Variants in CSNK2A2IP observed in about 807,000 individuals in gnomAD.
CSNK2A2IP encodes the protein casein kinase 2 subunit alpha' interacting protein.
the CSNK2A2IP span, among the ~76,000 whole-genome samples, chr3:88,415,003 C>T: frequency 5.3e-5 from 8 of 151,406 alleles, no homozygotes; most frequent in South Asian, 2.1e-4. Context: ...TTTAGTATGA[C>T]AGTAATGTAA....
the CSNK2A2IP span, among the ~76,000 whole-genome samples, chr3:88,427,627 G>A: frequency 6.6e-6 from 1 of 152,128 alleles, no homozygotes; most frequent in African/African-American, 2.4e-5. Flanking sequence ...TGGCCAAAAG[G>A]GGCCAATGTA....
At chr3:88,339,040 C>A in the CSNK2A2IP span, among the ~76,000 whole-genome samples, 1 of 151,856 alleles carries the variant, frequency 6.6e-6, no homozygotes, top group Non-Finnish European at 1.5e-5. Context: ...TTGTCTCAAA[C>A]CATTATTATT....
the CSNK2A2IP span, among the ~76,000 whole-genome samples, chr3:88,374,172 C>T: frequency 6.6e-6 from 1 of 151,600 alleles, no homozygotes; most frequent in African/African-American, 2.4e-5. Context: ...AAATAGTGCA[C>T]ATTAAGTTGA....
At chr3:88,449,874 T>TATATATATATATAGAGAGAGAGAGAG in the CSNK2A2IP span, among the ~76,000 whole-genome samples, 1 of 70,046 alleles carries the variant, frequency 1.4e-5, no homozygotes, top group African/African-American at 4.7e-5. Flanking sequence ...TATATATATA[T>TATATATATATATAGAGAGAGAGAGAG]AGAGAGAGAG....
At chr3:88,374,069 A>T in the CSNK2A2IP span, among the ~76,000 whole-genome samples, 1 of 151,700 alleles carries the variant, frequency 6.6e-6, no homozygotes, top group South Asian at 2.1e-4. Context: ...TTCTATACAG[A>T]TTCCTTTAGG....
the CSNK2A2IP span, among the ~76,000 whole-genome samples, chr3:88,427,910 C>G: frequency 1.3e-5 from 2 of 152,136 alleles, no homozygotes; most frequent in African/African-American, 4.8e-5. Context: ...CCTAGTGGAG[C>G]TGTGAGAGGA....
chr3:88,340,936 T>A, the CSNK2A2IP span, among the ~76,000 whole-genome samples: 1 of 151,954 alleles, frequency 6.6e-6, no homozygotes, highest in African/African-American at 2.4e-5. Context: ...TTAGAATCAA[T>A]GTTTGTGTTC....
At chr3:88,350,238 G>A in the CSNK2A2IP span, among the ~76,000 whole-genome samples, 1 of 152,184 alleles carries the variant, frequency 6.6e-6, no homozygotes, top group South Asian at 2.1e-4. Flanking sequence ...TGAAAGGCCA[G>A]ATTCTCCATG....
the CSNK2A2IP span, among the ~76,000 whole-genome samples, chr3:88,449,872 T>TAGAGAGAGAGAG: frequency 1.3e-5 from 1 of 78,976 alleles, no homozygotes; most frequent in African/African-American, 4.2e-5. Flanking sequence ...TATATATATA[T>TAGAGAGAGAGAG]ATAGAGAGAG....
At chr3:88,350,599 T>TA in the CSNK2A2IP span, among the ~76,000 whole-genome samples, 486 of 112,744 alleles carry the variant, frequency 4.3e-3, 3 homozygotes, top group East Asian at 0.092. Context: ...TCAAAGATGA[T>TA]GAAAAAAAAA....
chr3:88,439,178 C>T, the CSNK2A2IP span, among the ~76,000 whole-genome samples: 12 of 152,300 alleles, frequency 7.9e-5, no homozygotes, highest in East Asian at 1.9e-4. Context: ...TTTTCATTGA[C>T]TTTCCAGCCA....
At chr3:88,465,469 T>G in the CSNK2A2IP span, 29 of 1,231,560 alleles carry the variant, frequency 2.4e-5, no homozygotes, top group Non-Finnish European at 8.1e-6. Context: ...ACTAAATCAA[T>G]TCAATAACCA....
At chr3:88,383,651 C>CTTTTTTTTTTTTTTTTTTTTTTGTT in the CSNK2A2IP span, among the ~76,000 whole-genome samples, 1 of 88,550 alleles carries the variant, frequency 1.1e-5, no homozygotes, top group Non-Finnish European at 2.0e-5. Flanking sequence ...TCTTTTCTTT[C>CTTTTTTTTTTTTTTTTTTTTTTGTT]TTTTTTTTTT....
the CSNK2A2IP span, among the ~76,000 whole-genome samples, chr3:88,430,121 G>A: frequency 6.6e-6 from 1 of 151,940 alleles, no homozygotes; most frequent in Non-Finnish European, 1.5e-5. Flanking sequence ...ATCTTCCTTG[G>A]CTATTGCTTC....
At chr3:88,453,235 A>C in the CSNK2A2IP span, among the ~76,000 whole-genome samples, 1 of 152,114 alleles carries the variant, frequency 6.6e-6, no homozygotes, top group Non-Finnish European at 1.5e-5. Context: ...AATTAAATCT[A>C]AGAAAATCTC....
At chr3:88,406,376 G>A in the CSNK2A2IP span, among the ~76,000 whole-genome samples, 1 of 152,140 alleles carries the variant, frequency 6.6e-6, no homozygotes, top group Non-Finnish European at 1.5e-5. Context: ...TTTTAGGCAT[G>A]GGCTACGGGA....
chr3:88,417,373 C>T, the CSNK2A2IP span, among the ~76,000 whole-genome samples: 1 of 152,096 alleles, frequency 6.6e-6, no homozygotes, highest in African/African-American at 2.4e-5. Flanking sequence ...CATTTTAAAA[C>T]CCAAATATTT....
chr3:88,384,168 T>A, the CSNK2A2IP span, among the ~76,000 whole-genome samples: 1 of 151,942 alleles, frequency 6.6e-6, no homozygotes, highest in Non-Finnish European at 1.5e-5. Context: ...CCTGCCCCCA[T>A]GAAAATTACT....
the CSNK2A2IP span, among the ~76,000 whole-genome samples, chr3:88,430,377 T>C: frequency 6.6e-6 from 1 of 152,144 alleles, no homozygotes; most frequent in Non-Finnish European, 1.5e-5. Context: ...TATCTTATTG[T>C]ATAAAATAGA....
Sources: gnomAD v4.1 joint callset for allele counts (sites outside exome capture counted in the v4.1 genomes callset) on GRCh38, gnomAD v4.1.1 for gene constraint, MANE v1.5 for transcripts, NCBI Gene and HGNC (gene_info 2026-07-23, HGNC 2026-07-21) for gene names.